The following FRMD4B variants were observed in gnomAD, a reference collection of about 807,000 sequenced individuals.
The protein encoded by FRMD4B is FERM domain containing 4B.
Under a neutral mutation model 141.5 loss-of-function variants are expected in FRMD4B, and 74 were observed. That is an observed-to-expected ratio of 0.52 (90% CI 0.43 to 0.63). The LOEUF is 0.63. FRMD4B is among the 30% of genes least tolerant of loss of function. FRMD4B has a pLI of 0.00. For missense variants in FRMD4B, 1,366 were observed against 1,253.4 expected, an observed-to-expected ratio of 1.09 and a Z score of -1.36; for synonymous variants, 506 against 467.9, an observed-to-expected ratio of 1.08 and a Z score of -1.05.
intron 3 of FRMD4B, 29 bp downstream of exon 3, chr3:69,311,233 TA>T: frequency 9.4e-7 from 1 of 1,065,276 alleles, no homozygotes; most frequent in Non-Finnish European, 1.4e-6. Flanking sequence ...AGGCAAAAGG[TA>T]AAGAAACTAA....
intron 1 of FRMD4B, among the ~76,000 whole-genome samples, chr3:69,466,358 G>A (rs949963475): frequency 6.6e-6 from 1 of 152,090 alleles, no homozygotes; most frequent in African/African-American, 2.4e-5. Flanking sequence ...TCACTCTGAT[G>A]ATAGTTTCTT....
upstream of FRMD4B, chr3:69,386,350 G>C (rs1704254849): frequency 5.1e-6 from 1 of 195,182 alleles, no homozygotes; most frequent in Admixed American, 6.1e-5. Context: ...CGCGGGGCAG[G>C]GACGGAAGCG....
At chr3:69,532,889 G>C (rs1247105478) in intron 1 of FRMD4B, among the ~76,000 whole-genome samples, 2 of 152,230 alleles carry the variant, frequency 1.3e-5, no homozygotes, top group Non-Finnish European at 2.9e-5. Context: ...ATGGATGCTG[G>C]TATTTCCAGA....
intron 1 of FRMD4B, among the ~76,000 whole-genome samples, chr3:69,530,607 C>T (rs1342192527): frequency 6.6e-6 from 1 of 151,446 alleles, no homozygotes; most frequent in African/African-American, 2.4e-5. Context: ...TTTATAGCAA[C>T]ACAAAATGAA....
chr3:69,248,780 T>C (rs9842313), intron 7 of FRMD4B, among the ~76,000 whole-genome samples: 35,684 of 152,278 alleles, frequency 0.23, 4,235 homozygotes, highest in East Asian at 0.27. Context: ...GTCAAGTGTA[T>C]GAAGGGTGAG....
At chr3:69,301,438 C>T (rs564033284) in intron 4 of FRMD4B, among the ~76,000 whole-genome samples, 1 of 152,222 alleles carries the variant, frequency 6.6e-6, no homozygotes, top group Non-Finnish European at 1.5e-5. Context: ...GATCCTTATG[C>T]CTCAGCCTCA....
At chr3:69,184,380 G>A (rs2092743272) in intron 19 of FRMD4B, among the ~76,000 whole-genome samples, 1 of 152,124 alleles carries the variant, frequency 6.6e-6, no homozygotes, top group Non-Finnish European at 1.5e-5. Flanking sequence ...AAAAAGTTAA[G>A]TTGTACCTAA....
At chr3:69,232,188 G>A (rs568097864) in intron 7 of FRMD4B, among the ~76,000 whole-genome samples, 8 of 152,282 alleles carry the variant, frequency 5.3e-5, no homozygotes, top group Middle Eastern at 3.4e-3. Context: ...AATGGCAACG[G>A]ATATGTTATT....
At chr3:69,541,840 G>C (rs1344539227) in intron 1 of FRMD4B, among the ~76,000 whole-genome samples, 2 of 150,946 alleles carry the variant, frequency 1.3e-5, no homozygotes, top group East Asian at 3.9e-4. Flanking sequence ...GGCCAGATCT[G>C]GGCTTCATCA....
chr3:69,507,619 T>C (rs1454135720), intron 1 of FRMD4B, among the ~76,000 whole-genome samples: 1 of 152,238 alleles, frequency 6.6e-6, no homozygotes, highest in Non-Finnish European at 1.5e-5. Flanking sequence ...CAAACAGTGC[T>C]GTAGGGGGTA....
intron 8 of FRMD4B, 54 bp from the exon 9 acceptor site, chr3:69,221,977 GCA>G (rs1486864667): frequency 7.5e-6 from 7 of 931,700 alleles, no homozygotes; most frequent in African/African-American, 4.9e-5. Context: ...TGAGGTACAG[GCA>G]CAGTTTCCAC....
intron 5 of FRMD4B, among the ~76,000 whole-genome samples, chr3:69,272,225 TC>T: frequency 6.6e-6 from 1 of 152,150 alleles, no homozygotes; most frequent in Non-Finnish European, 1.5e-5. Flanking sequence ...AACTGCAACC[TC>T]TACCACCTGG....
chr3:69,519,753 A>G (rs1057483411), intron 1 of FRMD4B, among the ~76,000 whole-genome samples: 6 of 151,920 alleles, frequency 3.9e-5, no homozygotes, highest in Non-Finnish European at 2.9e-5. Flanking sequence ...CGAGCAGTGT[A>G]CACTGAAACC....
At chr3:69,242,156 G>C (rs1575648686) in intron 7 of FRMD4B, among the ~76,000 whole-genome samples, 1 of 152,108 alleles carries the variant, frequency 6.6e-6, no homozygotes, top group African/African-American at 2.4e-5. Context: ...AGAGAGGCTA[G>C]GCAAACTACC....
At chr3:69,343,140 G>C (rs1163002904) in intron 1 of FRMD4B, among the ~76,000 whole-genome samples, 1 of 151,984 alleles carries the variant, frequency 6.6e-6, no homozygotes, top group Non-Finnish European at 1.5e-5. Flanking sequence ...TTTTTGTAGA[G>C]GTAGGGTCTT....
At position 69,347,097 on chromosome 3, in the gene FRMD4B, C is replaced by T. The variant is rs575197708; in HGVS notation, c.163-33580G>A. Among the ~76,000 whole-genome samples, 6 of 152,280 alleles carry T rather than the reference C, an allele frequency of 3.9e-5. No homozygotes were observed. The East Asian group carries it at 1.2e-3, about 29-fold the overall frequency. ...GTATTCAGGAGACCCATCTCACATG[C>T]AGAGACACACATAGGCTCAAAATAA... On this transcript the variant is annotated intron_variant, in intron 1 of 22. Coordinates refer to ENST00000398540, the MANE Select transcript of FRMD4B (RefSeq NM_015123.3).
At chr3:69,365,968 C>A (rs1703635610) in intron 1 of FRMD4B, among the ~76,000 whole-genome samples, 1 of 151,796 alleles carries the variant, frequency 6.6e-6, no homozygotes, top group South Asian at 2.1e-4. Context: ...CCCGTAATCC[C>A]AGCACTTTGA....
At chr3:69,483,899 A>G (rs1400266222) in intron 1 of FRMD4B, among the ~76,000 whole-genome samples, 1 of 152,214 alleles carries the variant, frequency 6.6e-6, no homozygotes, top group African/African-American at 2.4e-5. Context: ...TAATGAAACC[A>G]GAACCCTGCT....
chr3:69,311,313 A>G lies in FRMD4B; in HGVS notation c.273T>C (p.His91=), dbSNP rs376151280. 14 of 1,602,438 alleles carry G rather than the reference A, an allele frequency of 8.7e-6. No homozygotes were observed. The African/African-American group carries it at 1.5e-4, about 17-fold the overall frequency. ...AATACTCCTTTTCTTTCAGGTTGAAATGTGAAGCCACTAGGTCCAGCAACT... is the reference window on the plus strand; with the variant it reads ...AATACTCCTTTTCTTTCAGGTTGAAGTGTGAAGCCACTAGGTCCAGCAACT... ...ARELLDLVAS[H]FNLKEKEYFG... is the part of the protein sequence containing the mutation. Residue 91 remains histidine (H), a synonymous_variant, in exon 3 of 23, where the codon CAT becomes CAC. Transcript: ENST00000398540.
Sources: allele counts gnomAD v4.1 joint callset (sites outside exome capture counted in the v4.1 genomes callset), GRCh38; gene constraint gnomAD v4.1.1; transcripts MANE v1.5; gene names NCBI Gene and HGNC (gene_info 2026-07-23, HGNC 2026-07-21).